Variants in RASA3 observed in about 807,000 individuals in gnomAD.
RASA3 encodes RAS p21 protein activator 3.
RASA3 carries 73 observed loss-of-function variants against 110.0 expected under a neutral mutation model. The ratio of observed to expected loss-of-function variants is 0.66; its 90% CI spans 0.55 to 0.81. RASA3 has a LOEUF of 0.81. Among genes scored for constraint, RASA3 ranks in the 30% least tolerant of loss-of-function variants. The pLI, the probability that RASA3 is intolerant of heterozygous loss-of-function variation, is 0.00. For synonymous variants in RASA3, 500 were observed against 451.4 expected (o/e 1.11, Z -1.37); for missense variants, 976 against 1,113.2 (o/e 0.88, Z 1.75).
At chr13:114,055,796 A>T (rs2079234598) in intron 2 of RASA3, among the ~76,000 whole-genome samples, 1 of 151,378 alleles carries the variant, frequency 6.6e-6, no homozygotes, top group Admixed American at 6.6e-5. Context: ...CCTGCTCCAG[A>T]GTGGCAGGTG....
intron 1 of RASA3, among the ~76,000 whole-genome samples, chr13:114,106,295 G>A (rs920059831): frequency 2.0e-5 from 3 of 152,166 alleles, no homozygotes; most frequent in East Asian, 1.9e-4. Flanking sequence ...AAAGAAAGAC[G>A]CTAACGTGCC....
At chr13:114,076,707 G>T (rs1372365977) in intron 1 of RASA3, among the ~76,000 whole-genome samples, 2 of 152,112 alleles carry the variant, frequency 1.3e-5, no homozygotes, top group Non-Finnish European at 2.9e-5. Context: ...TCCCGGAGCA[G>T]ACGCAGCCTT....
chr13:114,104,840 T>TCCCTCCCCACACACACGTTCACA (rs2080112074), intron 1 of RASA3, among the ~76,000 whole-genome samples: 1 of 127,208 alleles, frequency 7.9e-6, no homozygotes, highest in Admixed American at 7.9e-5. Context: ...TGCTCACCCC[T>TCCCTCCCCACACACACGTTCACA]CCCTCCCCAC....
At chr13:114,081,689 T>G (rs960755792) in intron 1 of RASA3, among the ~76,000 whole-genome samples, 1 of 152,154 alleles carries the variant, frequency 6.6e-6, no homozygotes, top group Non-Finnish European at 1.5e-5. Flanking sequence ...ACCAGGAGAC[T>G]GAGGCAAATC....
At chr13:114,132,404 G>T in intron 1 of RASA3, 31 bp downstream of exon 1, 11 of 1,502,472 alleles carry the variant, frequency 7.3e-6, no homozygotes, top group Non-Finnish European at 9.7e-6. Flanking sequence ...GGGCCGGGGG[G>T]TCGGACGCGT....
intron 1 of RASA3, among the ~76,000 whole-genome samples, chr13:114,125,590 G>A (rs1182726798): frequency 6.6e-6 from 1 of 152,172 alleles, no homozygotes; most frequent in East Asian, 1.9e-4. Context: ...ACGACGGGGT[G>A]ACAGTTCGAC....
intron 20 of RASA3, 140 bp from the exon 21 acceptor site, chr13:113,996,879 G>A (rs2053269464): frequency 1.4e-6 from 1 of 734,468 alleles, no homozygotes; most frequent in Non-Finnish European, 2.3e-6. Context: ...AAGTCCTGGA[G>A]CTCTAAGCCC....
chr13:114,113,486 G>A (rs1403936377), intron 1 of RASA3, among the ~76,000 whole-genome samples: 2 of 152,224 alleles, frequency 1.3e-5, no homozygotes, highest in Non-Finnish European at 2.9e-5. Flanking sequence ...AAACCAGAGG[G>A]GACAAATGCT....
At chr13:114,005,402 G>A (rs1210379095) in intron 18 of RASA3, among the ~76,000 whole-genome samples, 1 of 152,192 alleles carries the variant, frequency 6.6e-6, no homozygotes, top group Non-Finnish European at 1.5e-5. Flanking sequence ...GGGACCTCTG[G>A]GTGGAGGTTG....
At chr13:114,100,525 C>A (rs1480472334) in intron 1 of RASA3, among the ~76,000 whole-genome samples, 1 of 152,234 alleles carries the variant, frequency 6.6e-6, no homozygotes, top group Non-Finnish European at 1.5e-5. Context: ...AGTCCCCCTG[C>A]GCTGCGCCCC....
chr13:114,049,423 C>T (rs563999545), intron 3 of RASA3, among the ~76,000 whole-genome samples: 24 of 152,264 alleles, frequency 1.6e-4, no homozygotes, highest in African/African-American at 5.3e-4. Flanking sequence ...TAGCAGACGA[C>T]GTCAACAGAA....
chr13:113,993,017 G>A (rs913763483), intron 21 of RASA3, among the ~76,000 whole-genome samples: 4 of 152,166 alleles, frequency 2.6e-5, no homozygotes, highest in African/African-American at 7.2e-5. Context: ...AATTTAGGAA[G>A]ACTAGGTGCT....
intron 4 of RASA3, among the ~76,000 whole-genome samples, chr13:114,030,364 G>GGCAAGA (rs1566501219): frequency 7.4e-6 from 1 of 135,418 alleles, no homozygotes; most frequent in East Asian, 2.3e-4. Context: ...AGAGGGCAAG[G>GGCAAGA]CTCACACAGA....
chr13:113,979,056 A>C lies in RASA3; in HGVS notation c.*291T>G. 2 of 450,522 alleles carry C rather than the reference A, an allele frequency of 4.4e-6. No homozygotes were observed. Among genetic ancestry groups the C allele is most frequent in the Middle Eastern group, 1.3e-3 (2 of 1,598 alleles). 27.9% of individuals were successfully genotyped at this position (450,522 alleles called of 1,614,324 possible). A position where few individuals can be genotyped will look rare whatever the true frequency, so the allele number is the denominator to read the frequency against. ...GCTGGCTGTGGTGTGGCTAGGGCACAGCCCACACTTCCTGATCCTTCAGCT... is the reference window on the plus strand; with the variant it reads ...GCTGGCTGTGGTGTGGCTAGGGCACCGCCCACACTTCCTGATCCTTCAGCT... On this transcript the variant is annotated 3_prime_UTR_variant, in exon 24 of 24. Transcript: ENST00000334062.
chr13:113,979,498 T>C (rs2052857828), intron 23 of RASA3, 76 bp from the exon 24 acceptor site: 2 of 1,202,846 alleles, frequency 1.7e-6, no homozygotes, highest in Admixed American at 1.7e-5. Context: ...CGGGAGCTTT[T>C]CCTGTTCCTA....
intron 1 of RASA3, among the ~76,000 whole-genome samples, chr13:114,075,045 C>T (rs2079644952): frequency 6.6e-6 from 1 of 152,200 alleles, no homozygotes; most frequent in Non-Finnish European, 1.5e-5. Flanking sequence ...GCTCTAAAGA[C>T]GCCTGGCAGT....
At position 114,000,864 on chromosome 13, in the gene RASA3, C is replaced by A; in HGVS notation, c.1811G>T (p.Arg604Leu). 2 of 1,613,834 alleles carry A rather than the reference C, an allele frequency of 1.2e-6. No individual in the cohort carries two copies. The highest frequency in any genetic ancestry group is 1.7e-6 in the Non-Finnish European group (2 of 1,179,802). The change falls in exon 19 of 24, where the codon CGC becomes CTC. Residue 604 changes from arginine (R) to leucine (L), a missense_variant. By Grantham distance (102) the Arg-to-Leu change is moderately radical. Coordinates refer to ENST00000334062, the MANE Select transcript of RASA3 (RefSeq NM_007368.4). ...GTAGGTAAATTCATGGTTGGTCAAG[C>A]GAAACCATCTCTTCTTAAAATTCTT... ...GMKNFKKRWFRLTNHEFTYHK... is the reference protein window; with the variant it reads ...GMKNFKKRWFLLTNHEFTYHK...
chr13:114,042,548 G>A (rs1005193764), intron 3 of RASA3, among the ~76,000 whole-genome samples: 4 of 152,336 alleles, frequency 2.6e-5, no homozygotes, highest in Middle Eastern at 6.8e-3. Flanking sequence ...CCGCAGACCC[G>A]GTTCACCGCA....
intron 2 of RASA3, among the ~76,000 whole-genome samples, chr13:114,068,567 C>A (rs1050224272): frequency 5.9e-5 from 9 of 152,180 alleles, no homozygotes; most frequent in South Asian, 2.1e-4. Context: ...TGCAGCGCAG[C>A]CTTGGGGAGC....
Sources: gnomAD v4.1 joint callset for allele counts (sites outside exome capture counted in the v4.1 genomes callset) on GRCh38, gnomAD v4.1.1 for gene constraint, MANE v1.5 for transcripts, NCBI Gene and HGNC (gene_info 2026-07-23, HGNC 2026-07-21) for gene names.